Variants in ATG5 observed in about 807,000 individuals in gnomAD.
ATG5 encodes autophagy protein 5.
ATG5 carries 14 observed loss-of-function variants against 36.5 expected under a neutral mutation model. The ratio of observed to expected loss-of-function variants is 0.38; its 90% CI spans 0.25 to 0.60. The LOEUF is 0.60. ATG5 is among the 20% of genes least tolerant of loss of function. The probability of loss-of-function intolerance (pLI) is 0.60; values close to 1 mark genes in which losing one functional copy is unlikely to be tolerated. For synonymous variants in ATG5, 95 were observed against 101.5 expected (o/e 0.94, Z 0.38); for missense variants, 195 against 326.7 (o/e 0.60, Z 3.11).
rs1473332744 is a variant in ATG5, at chr6:106,191,364, AC to A, written c.692-4689del. The stretch of plus-strand genomic sequence containing the variant: ...CCTAAGTTCTGCTTGCTGATTTATA[AC>A]CCATGATAGCTTCTCATTTAACTCT... On this transcript the variant is annotated intron_variant, in intron 7 of 7. Transcript: ENST00000369076. Among the ~76,000 whole-genome samples, 3 of 152,150 alleles carry A rather than the reference AC, an allele frequency of 2.0e-5. No homozygotes were observed. The East Asian group carries it at 5.8e-4, about 29-fold the overall frequency.
rs985057984 is a variant in ATG5 at position 106,231,330 on chromosome 6, C to T, written c.573+16820G>A. Among the ~76,000 whole-genome samples, 6 of 152,262 alleles carry T rather than the reference C, an allele frequency of 3.9e-5. No homozygotes were observed. The East Asian group carries it at 5.8e-4, about 15-fold the overall frequency. ...TAACCCCAAATGACAGAAGTGTCGC[C>T]GTAACTGCAGCCTGAGAGTTTGGCG... On this transcript the variant is annotated intron_variant, in intron 6 of 7. Transcript: ENST00000369076.
In ATG5 at chr6:106,186,397, A is replaced by G. The variant is rs140455408; in HGVS notation, c.*143T>C. The stretch of plus-strand genomic sequence containing the variant: ...GACCAGCCCAGTTGCCTTATCTGAC[A>G]TGGAATCTTTTTCCTGTCTGGCTTG... On this transcript the variant is annotated 3_prime_UTR_variant, in exon 8 of 8. Transcript: ENST00000369076. The G allele has an allele frequency of 6.1e-4, 594 of 974,692 alleles. 2 individuals carry two copies. The African/African-American group carries it at 8.6e-3, about 14-fold the overall frequency. 60.4% of individuals were successfully genotyped at this position (974,692 alleles called of 1,614,324 possible). A position where few individuals can be genotyped will look rare whatever the true frequency, so the allele number is the denominator to read the frequency against.
At chr6:106,202,137 TGCC>T in intron 6 of ATG5, 48 bp from the exon 7 acceptor site, 4 of 1,446,558 alleles carry the variant, frequency 2.8e-6, no homozygotes, top group Non-Finnish European at 3.9e-6. Flanking sequence ...TCTTTGTTGC[TGCC>T]AATTACAAAT....
At chr6:106,279,575 T>G (rs1779795506) in intron 5 of ATG5, 86 bp downstream of exon 5, 2 of 1,183,150 alleles carry the variant, frequency 1.7e-6, no homozygotes, top group East Asian at 5.4e-5. Context: ...TACCACCAAT[T>G]CTAAAATGTA....
At chr6:106,213,939 T>C (rs760582978) in intron 6 of ATG5, among the ~76,000 whole-genome samples, 8 of 152,210 alleles carry the variant, frequency 5.3e-5, no homozygotes, top group Non-Finnish European at 1.0e-4. Context: ...ATTTAGTTGT[T>C]ACAGAACCCA....
intron 4 of ATG5, among the ~76,000 whole-genome samples, chr6:106,284,591 G>C (rs907480417): frequency 6.6e-6 from 1 of 152,164 alleles, no homozygotes; most frequent in Non-Finnish European, 1.5e-5. Flanking sequence ...CTGAGCTCAA[G>C]TGATACAACT....
intron 6 of ATG5, among the ~76,000 whole-genome samples, chr6:106,245,597 G>A (rs898659221): frequency 6.6e-6 from 1 of 152,082 alleles, no homozygotes; most frequent in African/African-American, 2.4e-5. Context: ...AAGATAAGAT[G>A]GGCCTCACTC....
chr6:106,210,498 T>C (rs886586303), intron 6 of ATG5, among the ~76,000 whole-genome samples: 2 of 152,232 alleles, frequency 1.3e-5, no homozygotes, highest in African/African-American at 2.4e-5. Context: ...TAGAGTCTTT[T>C]ACTCTTCATA....
chr6:106,322,278 A>G (rs1771111722), intron 1 of ATG5, among the ~76,000 whole-genome samples: 1 of 152,256 alleles, frequency 6.6e-6, no homozygotes, highest in African/African-American at 2.4e-5. Context: ...AATATAATGC[A>G]TAATAGTTTC....
chr6:106,321,390 G>C (rs1360316180), intron 1 of ATG5, among the ~76,000 whole-genome samples: 1 of 147,504 alleles, frequency 6.8e-6, no homozygotes, highest in African/African-American at 2.5e-5. Flanking sequence ...ACGGAGTCTC[G>C]CTCTGTCGCT....
rs972289763 is a variant in ATG5, at chr6:106,202,000, T to G, written c.663A>C (p.Glu221Asp). 8.1e-6 allele frequency: 13 copies of G among 1,611,836 alleles called. No homozygotes were observed. The highest frequency in any genetic ancestry group is 1.1e-5 in the Non-Finnish European group (13 of 1,178,778). Residue 221 changes from glutamate (E) to aspartate (D), a missense_variant, in exon 7 of 8, where the codon GAA (glutamate) becomes GAC (aspartate). Transcript: ENST00000369076. ...QLHTLGDLLK[E>D]VCPSAIDPED... ...CAGGATCAATAGCAGAAGGACAAAC[T>G]TCTTTGAGGAGATCTCCTAGTGTGT...
intron 5 of ATG5, among the ~76,000 whole-genome samples, chr6:106,260,912 G>A (rs1036431602): frequency 2.0e-5 from 3 of 152,200 alleles, no homozygotes; most frequent in African/African-American, 7.2e-5. Context: ...ACAGGGGTCA[G>A]GTGTGGGGGC....
At chr6:106,206,025 CA>C (rs2114372058) in intron 6 of ATG5, among the ~76,000 whole-genome samples, 1 of 152,230 alleles carries the variant, frequency 6.6e-6, no homozygotes, top group Non-Finnish European at 1.5e-5. Flanking sequence ...GTACCTAAGT[CA>C]ATCAGGACGA....
intron 5 of ATG5, among the ~76,000 whole-genome samples, chr6:106,257,338 T>G (rs1303550478): frequency 6.6e-6 from 1 of 152,154 alleles, no homozygotes; most frequent in Non-Finnish European, 1.5e-5. Context: ...TCATTATCAA[T>G]TACTGTACAT....
At chr6:106,217,837 T>C (rs1211182780) in intron 6 of ATG5, among the ~76,000 whole-genome samples, 3 of 151,960 alleles carry the variant, frequency 2.0e-5, no homozygotes, top group Non-Finnish European at 4.4e-5. Context: ...GAGAATGGTC[T>C]ATTGAATCCA....
chr6:106,312,623 T>TAC (rs144983689), intron 2 of ATG5, among the ~76,000 whole-genome samples: 4,731 of 144,430 alleles, frequency 0.033, 86 homozygotes, highest in Middle Eastern at 0.053. Flanking sequence ...CAAAAAAGAC[T>TAC]ACACACACAC....
intron 7 of ATG5, among the ~76,000 whole-genome samples, chr6:106,189,939 G>A (rs745907340): frequency 2.6e-5 from 4 of 151,988 alleles, no homozygotes; most frequent in African/African-American, 4.8e-5. Context: ...CTTTATATAG[G>A]GCACTTTTTA....
intron 6 of ATG5, among the ~76,000 whole-genome samples, chr6:106,236,482 T>C (rs1338759412): frequency 6.6e-6 from 1 of 152,194 alleles, no homozygotes; most frequent in Admixed American, 6.5e-5. Context: ...TCCACAGCCT[T>C]TTTACTACTT....
chr6:106,193,964 AAC>A (rs891759397), intron 7 of ATG5, among the ~76,000 whole-genome samples: 1 of 152,208 alleles, frequency 6.6e-6, no homozygotes, highest in East Asian at 1.9e-4. Flanking sequence ...TCATTTTGGG[AAC>A]AGTCAGGTTA....
Sources: allele counts gnomAD v4.1 joint callset (sites outside exome capture counted in the v4.1 genomes callset), GRCh38; gene constraint gnomAD v4.1.1; transcripts MANE v1.5; gene names NCBI Gene and HGNC (gene_info 2026-07-23, HGNC 2026-07-21).